The following ANO1 variants were observed in gnomAD, a reference collection of about 807,000 sequenced individuals.
ANO1 encodes anoctamin-1.
A neutral mutation model predicts 124.0 loss-of-function variants in ANO1; 59 were observed. The observed-to-expected ratio is 0.48, with a 90% CI of 0.39 to 0.59. The LOEUF (loss-of-function observed/expected upper bound fraction) is 0.59, where lower values mean the gene tolerates loss of function less well. Ranked by LOEUF, ANO1 falls within the 20% of genes least tolerant of loss-of-function variation. The pLI is 0.00. For missense variants in ANO1, 1,059 were observed against 1,328.0 expected, an observed-to-expected ratio of 0.80 and a Z score of 3.15; for synonymous variants, 529 against 532.0, an observed-to-expected ratio of 0.99 and a Z score of 0.08.
chr11:70,065,141 A>AC (rs1857685482), intron 1 of ANO1: 1 of 151,506 alleles, frequency 6.6e-6, no homozygotes, highest in Admixed American at 6.6e-5. Context: ...TGTAGCTCTG[A>AC]TTTTTTTTTC....
chr11:70,111,880 G>T (rs945495054), intron 7 of ANO1, 118 bp downstream of exon 7: 5 of 1,072,708 alleles, frequency 4.7e-6, no homozygotes, highest in Non-Finnish European at 7.1e-6. Context: ...CTTGGCTCTC[G>T]CTGTAAATGT....
chr11:70,124,327 C>G, intron 8 of ANO1, 23 bp from the exon 9 acceptor site: 1 of 1,613,282 alleles, frequency 6.2e-7, no homozygotes, highest in Non-Finnish European at 8.5e-7. Context: ...TTGTCACCAA[C>G]CCCACTGCTT....
At chr11:70,081,974 G>A (rs928086889) in intron 1 of ANO1, among the ~76,000 whole-genome samples, 2 of 152,210 alleles carry the variant, frequency 1.3e-5, no homozygotes, top group Non-Finnish European at 2.9e-5. Flanking sequence ...TATGCAGAAG[G>A]AAGTCTTCAA....
chr11:70,096,817 C>T (rs187906642), intron 2 of ANO1, among the ~76,000 whole-genome samples: 163 of 152,142 alleles, frequency 1.1e-3, no homozygotes, highest in African/African-American at 3.4e-3. Context: ...GCCAAGATTA[C>T]GCCACCGCAC....
At chr11:70,102,955 A>C in intron 2 of ANO1, 111 bp from the exon 3 acceptor site, 1 of 698,386 alleles carries the variant, frequency 1.4e-6, no homozygotes, top group African/African-American at 1.8e-5. Flanking sequence ...CGGTAAAAGC[A>C]GCCATGCACA....
At position 70,095,360 on chromosome 11, in the gene ANO1, A is replaced by AAGAG; in HGVS notation, c.441+7279_441+7280insGAGA. Among the ~76,000 whole-genome samples, 3 of 22,450 alleles carry AAGAG rather than the reference A, an allele frequency of 1.3e-4. 1 individual carries two copies. The South Asian group carries it at 6.0e-3, about 45-fold the overall frequency. The allele number at this position is 22,450 out of a possible 152,430, so 14.7% of individuals were successfully genotyped here. A position where few individuals can be genotyped will look rare whatever the true frequency, so the allele number is the denominator to read the frequency against. On this transcript the variant is annotated intron_variant, in intron 2 of 25. Transcript: ENST00000355303. ...AAAGAGAAAGAAAAAGAAAGAAAGA[A>AAGAG]AGAAAGAAAGAAAGAAAGAAAGAAA...
intron 1 of ANO1, among the ~76,000 whole-genome samples, chr11:70,016,192 T>A (rs539304332): frequency 6.6e-6 from 1 of 152,146 alleles, no homozygotes; most frequent in East Asian, 1.9e-4. Flanking sequence ...CACGCCCAGC[T>A]AATTTTTGTA....
intron 2 of ANO1, among the ~76,000 whole-genome samples, chr11:70,095,392 AAGAAAG>A (rs1259842689): frequency 2.3e-4 from 9 of 39,006 alleles, no homozygotes; most frequent in African/African-American, 6.0e-4. Flanking sequence ...GAAAGAAAGA[AAGAAAG>A]AAAGAAAGAA....
At chr11:70,015,155 T>A (rs1856679590) in intron 1 of ANO1, 1 of 152,190 alleles carries the variant, frequency 6.6e-6, no homozygotes, top group Admixed American at 6.5e-5. Flanking sequence ...CTTTTTATCG[T>A]TCCATTCATG....
At chr11:70,170,845 G>A (rs2135763226) in intron 21 of ANO1, 42 bp from the exon 22 acceptor site, 1 of 1,599,848 alleles carries the variant, frequency 6.3e-7, no homozygotes, top group East Asian at 2.3e-5. Flanking sequence ...CTTATGGGCT[G>A]TGGCTCACGG....
At chr11:69,993,474 G>T (rs1554997863) in intron 1 of ANO1, among the ~76,000 whole-genome samples, 1 of 152,210 alleles carries the variant, frequency 6.6e-6, no homozygotes, top group Non-Finnish European at 1.5e-5. Context: ...GGGGAAAAGG[G>T]AGAGAGCCTC....
intron 1 of ANO1, among the ~76,000 whole-genome samples, chr11:70,003,714 A>C (rs1856430387): frequency 6.6e-6 from 1 of 152,108 alleles, no homozygotes; most frequent in Non-Finnish European, 1.5e-5. Flanking sequence ...GATGGAGTAA[A>C]TAAAACAGAT....
intron 1 of ANO1, among the ~76,000 whole-genome samples, chr11:70,040,365 A>T (rs1398685234): frequency 1.3e-5 from 2 of 152,224 alleles, no homozygotes; most frequent in African/African-American, 4.8e-5. Flanking sequence ...ACGAGAAGGT[A>T]TGCTGACTTA....
chr11:70,057,624 G>A (rs956034489), intron 1 of ANO1, among the ~76,000 whole-genome samples: 1 of 152,140 alleles, frequency 6.6e-6, no homozygotes, highest in African/African-American at 2.4e-5. Flanking sequence ...AGGTGCAGGG[G>A]TCACAAGGTG....
chr11:69,995,028 CCT>C (rs368408297), intron 1 of ANO1, among the ~76,000 whole-genome samples: 11 of 152,054 alleles, frequency 7.2e-5, no homozygotes, highest in African/African-American at 2.2e-4. Flanking sequence ...CACCGTTTCC[CCT>C]GTTTTTAACA....
intron 1 of ANO1, among the ~76,000 whole-genome samples, chr11:70,010,177 G>GTT (rs1168022913): frequency 1.8e-5 from 1 of 54,426 alleles, no homozygotes; most frequent in African/African-American, 5.7e-5. Context: ...GCGTGTGTGT[G>GTT]TGTATATATA....
rs1374971898 is a variant in ANO1, at chr11:70,025,902, ATGATGG to A, written c.58+39739_58+39744del. Among the ~76,000 whole-genome samples, 87 of 143,538 alleles carry A rather than the reference ATGATGG, an allele frequency of 6.1e-4. 1 individual carries two copies. Among genetic ancestry groups the A allele is most frequent in the Non-Finnish European group, 6.7e-4 (44 of 65,824 alleles). The allele number at this position is 143,538 out of a possible 152,430, so 94.2% of individuals were successfully genotyped here. On this transcript the variant is annotated intron_variant, in intron 1 of 27. Transcript: ENST00000531349. Reference sequence around the variant, plus strand: ...GGTGGTGATGATGGTGATGATGATGATGATGGTGGTGGTGGTGACGATGATGATGGT... The same window carrying A: ...GGTGGTGATGATGGTGATGATGATGATGGTGGTGGTGACGATGATGATGGT...
intron 1 of ANO1, among the ~76,000 whole-genome samples, chr11:70,012,802 T>C (rs1037610417): frequency 3.9e-5 from 6 of 152,168 alleles, no homozygotes; most frequent in Admixed American, 3.9e-4. Flanking sequence ...CATCCATCCA[T>C]ACATCTATTA....
At chr11:70,101,594 A>AC (rs2045277580) in intron 2 of ANO1, among the ~76,000 whole-genome samples, 1 of 149,748 alleles carries the variant, frequency 6.7e-6, no homozygotes, top group Non-Finnish European at 1.5e-5. Flanking sequence ...CCAAAAAAAA[A>AC]AAAAAAAAAA....
Sources: gnomAD v4.1 joint callset for allele counts (sites outside exome capture counted in the v4.1 genomes callset) on GRCh38, gnomAD v4.1.1 for gene constraint, MANE v1.5 for transcripts, NCBI Gene and HGNC (gene_info 2026-07-23, HGNC 2026-07-21) for gene names.